The following CHSY3 variants were observed in gnomAD, a reference collection of about 807,000 sequenced individuals.
CHSY3 encodes the protein chondroitin sulfate synthase 3.
CHSY3 carries 35 observed loss-of-function variants against 67.2 expected under a neutral mutation model. That is an observed-to-expected ratio of 0.52 (90% CI 0.40 to 0.69). The LOEUF is 0.69. Ranked by LOEUF, CHSY3 falls within the 30% of genes least tolerant of loss-of-function variation. The pLI, the probability that CHSY3 is intolerant of heterozygous loss-of-function variation, is 0.00. For synonymous variants in CHSY3, 474 were observed against 434.7 expected (o/e 1.09, Z -1.12); for missense variants, 1,069 against 1,138.5 (o/e 0.94, Z 0.88).
chr5:130,076,325 T>C (rs896785466), intron 2 of CHSY3, among the ~76,000 whole-genome samples: 10 of 151,584 alleles, frequency 6.6e-5, no homozygotes, highest in African/African-American at 2.4e-4. Context: ...TTTTTTTTTT[T>C]CTCCAAAATC....
intron 2 of CHSY3, among the ~76,000 whole-genome samples, chr5:130,037,855 A>G (rs2149663598): frequency 6.6e-6 from 1 of 152,252 alleles, no homozygotes; most frequent in Non-Finnish European, 1.5e-5. Context: ...ATTTGATCAC[A>G]TATAGAGACA....
At chr5:129,909,225 A>G (rs1021270058) in intron 2 of CHSY3, among the ~76,000 whole-genome samples, 1 of 152,130 alleles carries the variant, frequency 6.6e-6, no homozygotes, top group Non-Finnish European at 1.5e-5. Flanking sequence ...ACATTAAAAT[A>G]ATGTATTGTT....
At chr5:130,112,121 C>A (rs1476735043) in intron 2 of CHSY3, among the ~76,000 whole-genome samples, 2 of 152,012 alleles carry the variant, frequency 1.3e-5, no homozygotes, top group Admixed American at 6.6e-5. Context: ...TTTGGAAAAT[C>A]ATCACTTCAA....
chr5:129,946,873 T>G (rs555738984), intron 2 of CHSY3, among the ~76,000 whole-genome samples: 1 of 152,346 alleles, frequency 6.6e-6, no homozygotes, highest in Admixed American at 6.5e-5. Flanking sequence ...CTATTGTGAA[T>G]AATACTACAA....
At chr5:129,966,625 C>G (rs1018249940) in intron 2 of CHSY3, among the ~76,000 whole-genome samples, 1 of 151,634 alleles carries the variant, frequency 6.6e-6, no homozygotes, top group Non-Finnish European at 1.5e-5. Flanking sequence ...ACATACTCAT[C>G]AAATCACAGT....
rs1760153844 is a variant in CHSY3, at chr5:129,904,553, GC to G, written c.-275del. 1 of 365,158 alleles carries G rather than the reference GC, an allele frequency of 2.7e-6. No homozygotes were observed. The highest frequency in any genetic ancestry group is 2.1e-5 in the African/African-American group (1 of 46,642). 22.6% of individuals were successfully genotyped at this position (365,158 alleles called of 1,614,324 possible). A position where few individuals can be genotyped will look rare whatever the true frequency, so the allele number is the denominator to read the frequency against. ...TGCAGCTCCTCCAGCTGCCGCTGCTGCCGCCGCTGCCGCCACCGCCGCCGCC... is the reference window on the plus strand; with the variant it reads ...TGCAGCTCCTCCAGCTGCCGCTGCTGCGCCGCTGCCGCCACCGCCGCCGCC... On this transcript the variant is annotated 5_prime_UTR_variant, in exon 1 of 3. Coordinates refer to ENST00000305031, the MANE Select transcript of CHSY3 (RefSeq NM_175856.5).
intron 2 of CHSY3, among the ~76,000 whole-genome samples, chr5:130,011,272 A>G (rs1185944129): frequency 6.6e-6 from 1 of 152,220 alleles, no homozygotes; most frequent in East Asian, 1.9e-4. Flanking sequence ...AAGCTAATCT[A>G]CCATGATCAG....
intron 2 of CHSY3, among the ~76,000 whole-genome samples, chr5:130,040,008 A>G (rs536350273): frequency 1.4e-4 from 21 of 152,178 alleles, no homozygotes; most frequent in African/African-American, 3.9e-4. Flanking sequence ...AAAGTAAAAA[A>G]CTAAGGTAAA....
At chr5:130,162,040 CAA>C (rs371228605) in intron 2 of CHSY3, among the ~76,000 whole-genome samples, 21 of 65,084 alleles carry the variant, frequency 3.2e-4, no homozygotes, top group African/African-American at 8.3e-4. Flanking sequence ...GACCCTGTCT[CAA>C]AAAAAAAAAA....
intron 2 of CHSY3, among the ~76,000 whole-genome samples, chr5:130,131,155 T>C (rs1768471224): frequency 6.6e-6 from 1 of 152,224 alleles, no homozygotes; most frequent in Non-Finnish European, 1.5e-5. Context: ...CAATTTTGTT[T>C]CTTCAGAGTC....
intron 2 of CHSY3, among the ~76,000 whole-genome samples, chr5:129,977,624 C>A (rs888538220): frequency 6.6e-6 from 1 of 151,862 alleles, no homozygotes; most frequent in Non-Finnish European, 1.5e-5. Flanking sequence ...ACGAGGTATC[C>A]CATTTCAGTG....
chr5:129,940,483 C>T (rs1013092640), intron 2 of CHSY3, among the ~76,000 whole-genome samples: 1 of 149,224 alleles, frequency 6.7e-6, no homozygotes. Context: ...CTATGTTAAC[C>T]TTTAAAAGAT....
In CHSY3 at chr5:129,905,228, G is replaced by T. The variant is rs1041855401; in HGVS notation, c.399G>T (p.Glu133Asp). 6.7e-7 allele frequency: 1 copy of T among 1,495,526 alleles called. No homozygotes were observed. The allele number at this position is 1,495,526 out of a possible 1,614,324, so 92.6% of individuals were successfully genotyped here. A position where few individuals can be genotyped will look rare whatever the true frequency, so the allele number is the denominator to read the frequency against. Reference protein sequence around the residue: ...GLPGAPAAEGEPEEEDGGAAG... With the variant: ...GLPGAPAAEGDPEEEDGGAAG... ...CCGGTGCTCCAGCGGCCGAGGGGGA[G>T]CCCGAGGAGGAGGACGGGGGCGCGG... The change falls in exon 1 of 3, where the codon GAG becomes GAT. Residue 133 changes from glutamate (E) to aspartate (D), a missense_variant. Transcript: ENST00000305031.
chr5:130,063,674 T>C (rs973202406), intron 2 of CHSY3, among the ~76,000 whole-genome samples: 4 of 152,180 alleles, frequency 2.6e-5, no homozygotes, highest in African/African-American at 7.2e-5. Flanking sequence ...TTATAAACAA[T>C]AGAAATTTAT....
chr5:129,971,414 A>G (rs1020379042), intron 2 of CHSY3, among the ~76,000 whole-genome samples: 2 of 151,884 alleles, frequency 1.3e-5, no homozygotes, highest in African/African-American at 4.8e-5. Flanking sequence ...TTTAATCTTT[A>G]GCTATGTAAT....
intron 2 of CHSY3, among the ~76,000 whole-genome samples, chr5:129,949,856 G>C (rs761629563): frequency 6.6e-6 from 1 of 152,066 alleles, no homozygotes; most frequent in Admixed American, 6.6e-5. Flanking sequence ...AGTGAAGGAT[G>C]AAGGATAAAA....
intron 2 of CHSY3, among the ~76,000 whole-genome samples, chr5:130,094,218 G>A (rs1010988552): frequency 2.6e-5 from 4 of 152,066 alleles, no homozygotes; most frequent in Admixed American, 2.6e-4. Context: ...TGAATAGATG[G>A]TGCTGAACTA....
chr5:130,101,034 C>A (rs1481751263), intron 2 of CHSY3, among the ~76,000 whole-genome samples: 1 of 152,188 alleles, frequency 6.6e-6, no homozygotes, highest in African/African-American at 2.4e-5. Flanking sequence ...ATGTATTAAA[C>A]AGTCCCGCAA....
At chr5:130,157,775 G>A (rs1031014361) in intron 2 of CHSY3, among the ~76,000 whole-genome samples, 4 of 43,648 alleles carry the variant, frequency 9.2e-5, no homozygotes, top group East Asian at 8.2e-4. Flanking sequence ...AGTGGCATGC[G>A]CCACTGGTTG....
Sources: allele counts gnomAD v4.1 joint callset (sites outside exome capture counted in the v4.1 genomes callset), GRCh38; gene constraint gnomAD v4.1.1; transcripts MANE v1.5; gene names NCBI Gene and HGNC (gene_info 2026-07-23, HGNC 2026-07-21).